The following AGBL1 variants were observed in gnomAD, a reference collection of about 807,000 sequenced individuals.
AGBL1 encodes AGBL carboxypeptidase 1, also known as cytosolic carboxypeptidase 4.
Under a neutral mutation model 118.9 loss-of-function variants are expected in AGBL1, and 130 were observed. The observed-to-expected ratio is 1.09, with a 90% CI of 0.95 to 1.26. AGBL1 has a LOEUF of 1.26. AGBL1 is among the 50% of genes most tolerant of loss of function. AGBL1 has a pLI of 0.00. For missense variants in AGBL1, 1,584 were observed against 1,298.1 expected (o/e 1.22, Z -3.38); for synonymous variants, 555 against 478.9 (o/e 1.16, Z -2.08).
chr15:86,508,421 T>TA (rs1247512315), intron 18 of AGBL1, among the ~76,000 whole-genome samples: 1 of 152,078 alleles, frequency 6.6e-6, no homozygotes, highest in Non-Finnish European at 1.5e-5. Context: ...GTGCTTTAGG[T>TA]AAAGAAATTT....
intron 5 of AGBL1, among the ~76,000 whole-genome samples, chr15:86,211,222 G>A (rs1250634899): frequency 2.0e-5 from 3 of 152,112 alleles, no homozygotes; most frequent in South Asian, 4.1e-4. Flanking sequence ...TGTCCCATAG[G>A]GGCACCCACC....
At chr15:86,382,844 C>A (rs2081130625) in intron 17 of AGBL1, among the ~76,000 whole-genome samples, 1 of 152,056 alleles carries the variant, frequency 6.6e-6, no homozygotes, top group Non-Finnish European at 1.5e-5. Flanking sequence ...AACAAAGCAG[C>A]AAGGCCACTT....
intron 5 of AGBL1, among the ~76,000 whole-genome samples, chr15:86,166,253 T>C (rs755357215): frequency 8.5e-5 from 13 of 152,232 alleles, no homozygotes; most frequent in Non-Finnish European, 1.5e-4. Flanking sequence ...CAATGTTAAG[T>C]GCTGGAGAAA....
chr15:86,406,946 A>T (rs1723294114), intron 18 of AGBL1, among the ~76,000 whole-genome samples: 3 of 152,154 alleles, frequency 2.0e-5, no homozygotes, highest in Non-Finnish European at 2.9e-5. Context: ...TTTTCTTAAG[A>T]TAAATTTTTA....
At chr15:86,256,328 A>G (rs1316454356) in intron 7 of AGBL1, among the ~76,000 whole-genome samples, 2 of 152,218 alleles carry the variant, frequency 1.3e-5, no homozygotes, top group African/African-American at 2.4e-5. Context: ...AATTTAATTT[A>G]GGTACTTGGG....
intron 22 of AGBL1, among the ~76,000 whole-genome samples, chr15:86,798,645 C>G (rs1317843156): frequency 6.6e-6 from 1 of 150,998 alleles, no homozygotes; most frequent in East Asian, 1.9e-4. Context: ...CAACTTTCCT[C>G]TTGGAAACTG....
intron 1 of AGBL1, among the ~76,000 whole-genome samples, chr15:86,084,248 T>C (rs1253841411): frequency 2.6e-5 from 4 of 152,158 alleles, no homozygotes; most frequent in Non-Finnish European, 5.9e-5. Context: ...GAGCTTTAAG[T>C]GGGGAGAACT....
downstream of AGBL1, among the ~76,000 whole-genome samples, chr15:86,919,588 A>ACT (rs2080463855): frequency 8.0e-6 from 1 of 124,708 alleles, no homozygotes; most frequent in South Asian, 2.9e-4. Context: ...ACACACACAC[A>ACT]CACACACACA....
At chr15:86,516,983 T>C (rs1413493335) in intron 18 of AGBL1, among the ~76,000 whole-genome samples, 1 of 152,142 alleles carries the variant, frequency 6.6e-6, no homozygotes, top group African/African-American at 2.4e-5. Context: ...CTGAATGATA[T>C]TATGAAATCA....
chr15:86,289,797 G>C (rs2079515424), intron 16 of AGBL1, among the ~76,000 whole-genome samples: 1 of 152,116 alleles, frequency 6.6e-6, no homozygotes, highest in Non-Finnish European at 1.5e-5. Context: ...TGATGATCCA[G>C]GATAGTCTCC....
chr15:86,094,541 A>G (rs911482624), intron 1 of AGBL1, among the ~76,000 whole-genome samples: 3 of 152,114 alleles, frequency 2.0e-5, no homozygotes, highest in Non-Finnish European at 1.5e-5. Context: ...AGGAAGTAGG[A>G]TTGGGCAGAG....
intron 17 of AGBL1, among the ~76,000 whole-genome samples, chr15:86,352,673 G>T (rs1369090685): frequency 6.6e-6 from 1 of 151,928 alleles, no homozygotes; most frequent in African/African-American, 2.4e-5. Context: ...GTAGAGATGG[G>T]GTTTCACTAT....
intron 22 of AGBL1, among the ~76,000 whole-genome samples, chr15:86,709,816 TC>T (rs1396763894): frequency 6.6e-6 from 1 of 152,302 alleles, no homozygotes; most frequent in African/African-American, 2.4e-5. Context: ...AATCATAGTT[TC>T]CCTATTTAAA....
chr15:86,739,693 A>G (rs948254492), intron 22 of AGBL1, among the ~76,000 whole-genome samples: 1 of 152,178 alleles, frequency 6.6e-6, no homozygotes, highest in Non-Finnish European at 1.5e-5. Flanking sequence ...CTTGGAAAGT[A>G]CAGGAAATGG....
At chr15:86,371,550 A>G (rs1035810820) in intron 17 of AGBL1, among the ~76,000 whole-genome samples, 4 of 152,276 alleles carry the variant, frequency 2.6e-5, no homozygotes, top group South Asian at 2.1e-4. Context: ...ACACATATAC[A>G]TAAGTTTTTA....
At chr15:86,705,885 T>C (rs2086440855) in intron 22 of AGBL1, among the ~76,000 whole-genome samples, 2 of 152,118 alleles carry the variant, frequency 1.3e-5, no homozygotes, top group African/African-American at 4.8e-5. Context: ...AAATAAACAC[T>C]ATCTTCACAA....
rs190862486 is a variant in AGBL1 at position 86,613,993 on chromosome 15, C to T, written c.2994+59456C>T. On this transcript the variant is annotated intron_variant, in intron 21 of 22. Coordinates refer to ENST00000614907, the MANE Select transcript of AGBL1 (RefSeq NM_001386094.1). The surrounding 1 kb of genome is among the most constrained non-coding windows in gnomAD (Gnocchi z 4.2). ...GTAATGTGCTGCTGCAAACTTTGTA[C>T]GGTAAGGGAAGAAACTTATCCCGCT... 5.3e-5 allele frequency among the ~76,000 whole-genome samples: 8 copies of T among 152,148 alleles called. No individual in the cohort carries two copies. In the East Asian group the frequency reaches 5.8e-4, roughly 11 times the overall value.
At chr15:86,437,470 C>T (rs538988395) in intron 18 of AGBL1, among the ~76,000 whole-genome samples, 4 of 152,124 alleles carry the variant, frequency 2.6e-5, no homozygotes, top group African/African-American at 7.2e-5. Flanking sequence ...AAGATGTAGT[C>T]CCTTCTTCAC....
intron 1 of AGBL1, among the ~76,000 whole-genome samples, chr15:86,081,357 TAAG>T (rs1014921879): frequency 6.6e-6 from 1 of 152,154 alleles, no homozygotes; most frequent in Non-Finnish European, 1.5e-5. Flanking sequence ...CTCTGATTCT[TAAG>T]AAGATTTGTA....
Sources: allele counts gnomAD v4.1 joint callset (sites outside exome capture counted in the v4.1 genomes callset), GRCh38; gene constraint gnomAD v4.1.1; non-coding constraint Gnocchi (gnomAD v3.1); transcripts MANE v1.5; gene names NCBI Gene and HGNC (gene_info 2026-07-23, HGNC 2026-07-21).